TGFB1: variants seen among roughly 807,000 people sequenced by gnomAD.
TGFB1 encodes transforming growth factor beta-1 proprotein.
In TGFB1, 19 loss-of-function variants were observed where a neutral mutation model predicts 43.8. The observed-to-expected ratio is 0.43, with a 90% CI of 0.30 to 0.64. The LOEUF is 0.64. Among genes scored for constraint, TGFB1 ranks in the 30% least tolerant of loss-of-function variants. The pLI is 0.11. For synonymous variants in TGFB1, 221 were observed against 236.3 expected, an observed-to-expected ratio of 0.94 and a Z score of 0.60; for missense variants, 445 against 529.8, an observed-to-expected ratio of 0.84 and a Z score of 1.57.
chr19:41,334,036 C>T (rs2037962774), intron 5 of TGFB1, among the ~76,000 whole-genome samples: 1 of 152,194 alleles, frequency 6.6e-6, no homozygotes, highest in Non-Finnish European at 1.5e-5. Context: ...TTCCCAATAT[C>T]TATTACTCTC....
Position 41,332,274 on chromosome 19 carries a change from C to G in TGFB1, c.868G>C (p.Glu290Gln). The G allele has an allele frequency of 6.2e-7, 1 of 1,613,864 alleles. No homozygotes were observed. The highest frequency in any genetic ancestry group is 1.3e-5 in the African/African-American group (1 of 75,066). Residue 290 changes from glutamate (E) to glutamine (Q), a missense_variant, in exon 6 of 7, where the codon GAG becomes CAG. Physicochemically the swap from Glu to Gln is conservative, Grantham distance 29 (BLOSUM62 2). Coordinates refer to ENST00000221930, the MANE Select transcript of TGFB1 (RefSeq NM_000660.7). ...AGCTGCCGCACGCAGCAGTTCTTCT[C>G]CGTGGAGCTGCAGGCAGGAGAGACG... ...LDTNYCFSST[E>Q]KNCCVRQLYI...
rs747904334 is a variant in TGFB1 at position 41,352,688 on chromosome 19, A to G, written c.355+2T>C. 1 of 1,612,608 alleles carries G rather than the reference A, an allele frequency of 6.2e-7. No homozygotes were observed. Among genetic ancestry groups the G allele is most frequent in the Non-Finnish European group, 8.5e-7 (1 of 1,179,698 alleles). On this transcript the variant is annotated splice_donor_variant, in intron 1 of 6. Transcript: ENST00000221930. LOFTEE classifies it high-confidence loss of function. ...CCGGCTCCCCTGCCCCTCCGAGCTC[A>G]CCGTTGTGGGTTTCCACCATTAGCA...
At chr19:41,332,023 C>T (rs958104686) in intron 6 of TGFB1, 105 bp downstream of exon 6, 2 of 1,455,558 alleles carry the variant, frequency 1.4e-6, no homozygotes, top group Admixed American at 3.8e-5. Flanking sequence ...CTCTTTCTCC[C>T]CATCCTGCCA....
chr19:41,333,816 A>T (rs1223366470), intron 5 of TGFB1, among the ~76,000 whole-genome samples: 1 of 152,196 alleles, frequency 6.6e-6, no homozygotes, highest in East Asian at 1.9e-4. Flanking sequence ...TTTCCAAAAT[A>T]TCCAAGTGAC....
intron 3 of TGFB1, among the ~76,000 whole-genome samples, chr19:41,343,945 A>ATCTCCT (rs1555754146): frequency 7.9e-6 from 1 of 126,404 alleles, no homozygotes; most frequent in African/African-American, 3.3e-5. Context: ...CCTGGCCTCC[A>ATCTCCT]GGCCTTTGCA....
chr19:41,330,743 A>G lies in TGFB1; in HGVS notation c.*309T>C. On this transcript the variant is annotated 3_prime_UTR_variant, in exon 7 of 7. Coordinates refer to ENST00000221930, the MANE Select transcript of TGFB1 (RefSeq NM_000660.7). ...CAACAGTGCCCAAGGTGCTCAATAA[A>G]TAGATCTAACTACAGTAGTGTTCCC... The G allele has an allele frequency of 3.0e-6, 1 of 336,452 alleles. No homozygotes were observed. The highest frequency in any genetic ancestry group is 5.5e-6 in the Non-Finnish European group (1 of 183,114). 20.8% of individuals were successfully genotyped at this position (336,452 alleles called of 1,614,324 possible). A position where few individuals can be genotyped will look rare whatever the true frequency, so the allele number is the denominator to read the frequency against.
rs184554722 is a variant in TGFB1, at chr19:41,332,896, A to T, written c.861-615T>A. 1.9e-3 allele frequency among the ~76,000 whole-genome samples: 292 copies of T among 152,266 alleles called. 1 individual carries two copies. Among genetic ancestry groups the T allele is most frequent in the Non-Finnish European group, 2.9e-3 (196 of 68,022 alleles). ...TACAAAATTTTTTTTCAATTTTTTT[A>T]AAAAAGAGACAGAAATCTCTGCCCT... is the stretch of plus-strand genomic sequence containing the variant. On this transcript the variant is annotated intron_variant, in intron 5 of 6. Coordinates refer to ENST00000221930, the MANE Select transcript of TGFB1 (RefSeq NM_000660.7).
intron 6 of TGFB1, chr19:41,331,907 G>A: frequency 1.7e-6 from 1 of 576,906 alleles, no homozygotes; most frequent in Middle Eastern, 4.3e-4. Context: ...ACTTCACTCT[G>A]TGGGTCTTCA....
rs1013116102 is a variant in TGFB1 at position 41,340,561 on chromosome 19, G to A, written c.860+1322C>T. 4.6e-5 allele frequency among the ~76,000 whole-genome samples: 7 copies of A among 152,216 alleles called. No homozygotes were observed. In the South Asian group the frequency reaches 8.3e-4, roughly 18 times the overall value. ...CTCCCAAAGTGCTGGAATTATAGGC[G>A]TGAGCCACCGCGCCCAGCCTGCTGC... On this transcript the variant is annotated intron_variant, in intron 5 of 6. Coordinates refer to ENST00000221930, the MANE Select transcript of TGFB1 (RefSeq NM_000660.7).
intron 1 of TGFB1, among the ~76,000 whole-genome samples, chr19:41,352,039 CCTT>C (rs1364045999): frequency 6.6e-6 from 1 of 152,072 alleles, no homozygotes; most frequent in Non-Finnish European, 1.5e-5. Context: ...CTTGCCTCCT[CCTT>C]CCAATAACCT....
chr19:41,344,724 T>G (rs1568478674), intron 3 of TGFB1, 23 bp downstream of exon 3: 1 of 1,606,926 alleles, frequency 6.2e-7, no homozygotes, highest in South Asian at 1.1e-5. Context: ...GAAACAGGGG[T>G]GGGACACACA....
chr19:41,331,908 TG>T, intron 6 of TGFB1: 1 of 584,916 alleles, frequency 1.7e-6, no homozygotes, highest in Non-Finnish European at 3.0e-6. Context: ...CTTCACTCTG[TG>T]GGTCTTCATA....
chr19:41,343,662 C>A (rs2038083701), intron 3 of TGFB1, among the ~76,000 whole-genome samples: 1 of 152,164 alleles, frequency 6.6e-6, no homozygotes, highest in Admixed American at 6.6e-5. Context: ...TAGGTCATTC[C>A]TGCCTGGTGG....
chr19:41,352,609 A>G, intron 1 of TGFB1, 81 bp downstream of exon 1: 1 of 1,511,170 alleles, frequency 6.6e-7, no homozygotes, highest in Non-Finnish European at 9.0e-7. Context: ...TTCTTCTGCC[A>G]GTCACTTCCT....
Position 41,341,867 on chromosome 19 carries a change from A to G in TGFB1, c.860+16T>C. The G allele has an allele frequency of 6.2e-7, 1 of 1,612,774 alleles. No individual in the cohort carries two copies. The highest frequency in any genetic ancestry group is 8.5e-7 in the Non-Finnish European group (1 of 1,179,864). On this transcript the variant is annotated intron_variant, in intron 5 of 6. Transcript: ENST00000221930. ...CCCCCAGCCTGGAAGGCCTCCATCC[A>G]GGCTACAAGGCTCACCTGAAGCAAT... is the stretch of plus-strand genomic sequence containing the variant.
At chr19:41,349,048 C>T (rs2038151877) in intron 1 of TGFB1, among the ~76,000 whole-genome samples, 3 of 152,136 alleles carry the variant, frequency 2.0e-5, no homozygotes, top group African/African-American at 7.2e-5. Context: ...CTCAAGTCGA[C>T]TAAGGCTGGC....
intron 3 of TGFB1, 124 bp downstream of exon 3, chr19:41,344,623 G>T: frequency 1.2e-6 from 1 of 854,672 alleles, no homozygotes; most frequent in Non-Finnish European, 2.0e-6. Flanking sequence ...ACAGAGGGGA[G>T]CCAGGTCTCA....
At chr19:41,339,955 C>A (rs2038036179) in intron 5 of TGFB1, among the ~76,000 whole-genome samples, 1 of 152,032 alleles carries the variant, frequency 6.6e-6, no homozygotes, top group East Asian at 1.9e-4. Context: ...AGAGACAGGA[C>A]CAAAATATTT....
Position 41,342,021 on chromosome 19 carries a change from G to A in TGFB1, c.722C>T (p.Thr241Ile), listed in dbSNP as rs72480424. Reference protein sequence around the residue: ...TLQVDINGFTTGRRGDLATIH... With the variant: ...TLQVDINGFTIGRRGDLATIH... ...GGTGGCCAGGTCACCTCGGCGGCCG[G>A]TAGTGAACCCTGCTTTGGTGTGGGA... The change falls in exon 5 of 7, where the codon ACC (threonine) becomes ATC (isoleucine). Residue 241 changes from threonine to isoleucine, a missense_variant. Physicochemically the swap from Thr to Ile is moderately conservative, Grantham distance 89. Coordinates refer to ENST00000221930, the MANE Select transcript of TGFB1 (RefSeq NM_000660.7). The A allele has an allele frequency of 6.7e-5, 108 of 1,614,074 alleles. No individual in the cohort carries two copies. Among genetic ancestry groups the A allele is most frequent in the Admixed American group, 1.5e-4 (9 of 59,984 alleles).
Sources: gnomAD v4.1 joint callset for allele counts (sites outside exome capture counted in the v4.1 genomes callset) on GRCh38, gnomAD v4.1.1 for gene constraint, MANE v1.5 for transcripts, NCBI Gene and HGNC (gene_info 2026-07-23, HGNC 2026-07-21) for gene names.